HNRNPF: variants seen among roughly 807,000 people sequenced by gnomAD.
HNRNPF encodes the protein heterogeneous nuclear ribonucleoprotein F.
A neutral mutation model predicts 26.0 loss-of-function variants in HNRNPF; 2 were observed. The observed-to-expected ratio is 0.08, with a 90% CI of 0.03 to 0.24. The LOEUF (loss-of-function observed/expected upper bound fraction) is 0.24, where lower values mean the gene tolerates loss of function less well. Ranked by LOEUF, HNRNPF falls within the 10% of genes least tolerant of loss-of-function variation. The pLI is 1.00. For synonymous variants in HNRNPF, 234 were observed against 211.5 expected, an observed-to-expected ratio of 1.11 and a Z score of -0.92; for missense variants, 299 against 539.2, an observed-to-expected ratio of 0.55 and a Z score of 4.41.
chr10:43,407,827 GA>G (rs1564400807), intron 1 of HNRNPF: 1 of 152,206 alleles, frequency 6.6e-6, no homozygotes, highest in Non-Finnish European at 1.5e-5. Context: ...CCGGGCGTGG[GA>G]GGAGGGCGGA....
intron 1 of HNRNPF, among the ~76,000 whole-genome samples, chr10:43,403,739 C>G (rs931802155): frequency 6.6e-5 from 10 of 152,182 alleles, no homozygotes; most frequent in Admixed American, 5.9e-4. Context: ...TGGCTCACAC[C>G]TGTAATCCCA....
At chr10:43,408,461 C>T (rs1839000913) in intron 1 of HNRNPF, among the ~76,000 whole-genome samples, 1 of 152,166 alleles carries the variant, frequency 6.6e-6, no homozygotes. Flanking sequence ...CGCCACGGCC[C>T]CTCATTATGT....
chr10:43,406,689 C>T (rs1760529334), intron 1 of HNRNPF, among the ~76,000 whole-genome samples: 1 of 152,052 alleles, frequency 6.6e-6, no homozygotes, highest in Admixed American at 6.6e-5. Flanking sequence ...GAGACCCTGT[C>T]TCAAAAAATA....
chr10:43,408,485 G>T (rs1477893934), intron 1 of HNRNPF, among the ~76,000 whole-genome samples: 1 of 152,092 alleles, frequency 6.6e-6, no homozygotes, highest in Non-Finnish European at 1.5e-5. Context: ...GTCCTCGCTC[G>T]GTCCCAGGTT....
At chr10:43,407,621 ATACTT>A (rs1164167569) in intron 1 of HNRNPF, 1 of 151,510 alleles carries the variant, frequency 6.6e-6, no homozygotes, top group Non-Finnish European at 1.5e-5. Context: ...ATCGACGAAA[ATACTT>A]AATACAAACA....
At chr10:43,397,552 C>T (rs1262847138) in intron 1 of HNRNPF, among the ~76,000 whole-genome samples, 1 of 152,216 alleles carries the variant, frequency 6.6e-6, no homozygotes, top group African/African-American at 2.4e-5. Flanking sequence ...TAGACACAGC[C>T]CCTCTCTGGG....
chr10:43,393,424 C>T (rs554286619), intron 3 of HNRNPF, among the ~76,000 whole-genome samples: 16 of 152,132 alleles, frequency 1.1e-4, no homozygotes, highest in East Asian at 9.7e-4. Flanking sequence ...GGAGAAACTC[C>T]GTTTCTACTA....
chr10:43,398,395 G>A (rs1838640390), intron 1 of HNRNPF, among the ~76,000 whole-genome samples: 1 of 149,566 alleles, frequency 6.7e-6, no homozygotes, highest in Non-Finnish European at 1.5e-5. Context: ...GGGCTGGAGT[G>A]CAATGGCACG....
At chr10:43,392,998 T>C (rs1424691523) in intron 3 of HNRNPF, among the ~76,000 whole-genome samples, 1 of 152,204 alleles carries the variant, frequency 6.6e-6, no homozygotes, top group Non-Finnish European at 1.5e-5. Context: ...GGAGTAATCC[T>C]TGACCTTCTC....
intron 3 of HNRNPF, among the ~76,000 whole-genome samples, chr10:43,391,752 C>T (rs532674618): frequency 2.6e-5 from 4 of 152,270 alleles, no homozygotes; most frequent in South Asian, 2.1e-4. Context: ...TCACATACCC[C>T]GGAGCCATGC....
chr10:43,398,405 G>C (rs1365224109), intron 1 of HNRNPF, among the ~76,000 whole-genome samples: 1 of 146,852 alleles, frequency 6.8e-6, no homozygotes, highest in South Asian at 2.2e-4. Context: ...GCAATGGCAC[G>C]ATCTCGGCTC....
intron 1 of HNRNPF, among the ~76,000 whole-genome samples, chr10:43,402,528 G>C (rs999542010): frequency 1.3e-5 from 2 of 152,156 alleles, no homozygotes; most frequent in African/African-American, 4.8e-5. Flanking sequence ...ATAACCGTGA[G>C]AAAATTTGTT....
At chr10:43,392,317 G>A (rs1039034867) in intron 3 of HNRNPF, among the ~76,000 whole-genome samples, 5 of 152,118 alleles carry the variant, frequency 3.3e-5, no homozygotes, top group African/African-American at 1.2e-4. Context: ...GAGGCAGGTG[G>A]ATCATGAGGT....
rs1838007091 is a variant in HNRNPF at position 43,385,929 on chromosome 10, T to A, written c.*708A>T. The A allele has an allele frequency of 6.6e-6, 1 of 152,662 alleles. No individual in the cohort carries two copies. The highest frequency in any genetic ancestry group is 2.1e-4 in the South Asian group (1 of 4,830). The allele number at this position is 152,662 out of a possible 1,614,324, so 9.5% of individuals were successfully genotyped here. A position where few individuals can be genotyped will look rare whatever the true frequency, so the allele number is the denominator to read the frequency against. On this transcript the variant is annotated 3_prime_UTR_variant, in exon 4 of 4. Transcript: ENST00000682386. ...GAGATCATAGATTTGATGTATGAAA[T>A]TTTTAAATTCACACTAAAATACATT...
intron 3 of HNRNPF, among the ~76,000 whole-genome samples, chr10:43,390,770 C>T (rs930047375): frequency 2.0e-5 from 3 of 152,144 alleles, no homozygotes; most frequent in Non-Finnish European, 2.9e-5. Context: ...CACAGCCAGG[C>T]GAAACGGTGC....
At chr10:43,408,872 C>T (rs1446348792) in intron 1 of HNRNPF, 2 of 152,374 alleles carry the variant, frequency 1.3e-5, no homozygotes, top group Admixed American at 6.5e-5. Flanking sequence ...TGGAAACCCC[C>T]GCCTGCGAGC....
chr10:43,387,126 G>A lies in HNRNPF; in HGVS notation c.759C>T (p.Tyr253=), dbSNP rs544392837. ...TCCCGAACAGGTCGGTGGTGAAGCC[G>A]TAGCCATCACTGAGGCCACTGTACT... The part of the protein sequence containing the change: ...YEEYSGLSDG[Y]GFTTDLFGRD... The change falls in exon 4 of 4, where the codon TAC becomes TAT. Residue 253 remains tyrosine, a synonymous_variant. Transcript: ENST00000682386. The surrounding 1 kb of genome is among the most constrained non-coding windows in gnomAD (Gnocchi z 6.0). The A allele has an allele frequency of 5.6e-6, 9 of 1,613,812 alleles. No individual in the cohort carries two copies. Among genetic ancestry groups the A allele is most frequent in the Admixed American group, 3.3e-5 (2 of 60,004 alleles).
At position 43,409,186 on chromosome 10, in the gene HNRNPF, G is replaced by A. The variant is rs893203690; in HGVS notation, c.-302C>T. On this transcript the variant is annotated 5_prime_UTR_variant, in exon 1 of 4. Coordinates refer to ENST00000682386, the MANE Select transcript of HNRNPF (RefSeq NM_001098204.2). ...CACGACGGAGCCGGAAGGACGCAAG[G>A]ACCGCGGCAGGGCGGAGTTTCTGCG... is the stretch of plus-strand genomic sequence containing the variant. The A allele has an allele frequency of 3.4e-4, 52 of 153,006 alleles. No individual in the cohort carries two copies. Among genetic ancestry groups the A allele is most frequent in the African/African-American group, 1.2e-3 (49 of 41,594 alleles). 9.5% of individuals were successfully genotyped at this position (153,006 alleles called of 1,614,324 possible).
intron 1 of HNRNPF, 149 bp downstream of exon 1, chr10:43,408,982 G>C (rs972040681): frequency 6.6e-6 from 1 of 152,316 alleles, no homozygotes; most frequent in Non-Finnish European, 1.5e-5. Context: ...AAGCCCTCCT[G>C]CTCCCGGCGA....
Sources: gnomAD v4.1 joint callset for allele counts (sites outside exome capture counted in the v4.1 genomes callset) on GRCh38, gnomAD v4.1.1 for gene constraint, Gnocchi (gnomAD v3.1) non-coding constraint, MANE v1.5 for transcripts, NCBI Gene and HGNC (gene_info 2026-07-23, HGNC 2026-07-21) for gene names.